TXNDC16: variants seen among roughly 807,000 people sequenced by gnomAD.
The protein encoded by TXNDC16 is thioredoxin domain-containing protein 16.
Under a neutral mutation model 85.6 loss-of-function variants are expected in TXNDC16, and 74 were observed. The ratio of observed to expected loss-of-function variants is 0.86; its 90% CI spans 0.72 to 1.05. The LOEUF (loss-of-function observed/expected upper bound fraction) is 1.05. Ranked by LOEUF, TXNDC16 falls within the 50% of genes least tolerant of loss-of-function variation. The pLI is 0.00. For synonymous variants in TXNDC16, 335 were observed against 326.5 expected (o/e 1.03, Z -0.28); for missense variants, 959 against 947.0 (o/e 1.01, Z -0.17).
Position 52,455,630 on chromosome 14 carries a change from T to C in TXNDC16, c.1704-168A>G, listed in dbSNP as rs554999263. On this transcript the variant is annotated intron_variant, in intron 17 of 20. Transcript: ENST00000281741. ...AACTTATCTTCTATGACAACCTACA[T>C]TAAAAGAAAGAAACAGGTAATGATC... Among the ~76,000 whole-genome samples, 11 of 152,266 alleles carry C rather than the reference T, an allele frequency of 7.2e-5. No homozygotes were observed. The South Asian group carries it at 1.0e-3, about 14-fold the overall frequency.
chr14:52,497,550 C>G (rs192215937), intron 9 of TXNDC16, among the ~76,000 whole-genome samples: 1 of 152,254 alleles, frequency 6.6e-6, no homozygotes, highest in Admixed American at 6.5e-5. Context: ...TGAGCAATAT[C>G]CCTAATGAAT....
At chr14:52,493,828 GAGTGC>G (rs2036470518) in intron 9 of TXNDC16, among the ~76,000 whole-genome samples, 1 of 151,898 alleles carries the variant, frequency 6.6e-6, no homozygotes, top group Admixed American at 6.6e-5. Context: ...ACCCAGGCTG[GAGTGC>G]AGTGTCAGGA....
At chr14:52,514,122 C>T (rs934298980) in intron 8 of TXNDC16, among the ~76,000 whole-genome samples, 1 of 152,148 alleles carries the variant, frequency 6.6e-6, no homozygotes, top group Non-Finnish European at 1.5e-5. Flanking sequence ...TCTCTGCCTA[C>T]TCTCCTTCCC....
intron 16 of TXNDC16, 40 bp from the exon 17 acceptor site, chr14:52,457,214 T>C (rs2035555373): frequency 1.7e-6 from 2 of 1,154,510 alleles, no homozygotes; most frequent in East Asian, 5.0e-5. Flanking sequence ...GAAACCTTTA[T>C]AATTATGTAT....
At chr14:52,517,430 C>T (rs1054313780) in intron 7 of TXNDC16, among the ~76,000 whole-genome samples, 3 of 152,024 alleles carry the variant, frequency 2.0e-5, no homozygotes, top group African/African-American at 7.2e-5. Flanking sequence ...TCCAGGCCTC[C>T]GAAATAGCTC....
At chr14:52,538,803 T>C (rs949069469) in intron 4 of TXNDC16, among the ~76,000 whole-genome samples, 6 of 152,332 alleles carry the variant, frequency 3.9e-5, no homozygotes, top group African/African-American at 1.2e-4. Flanking sequence ...AATTTAATTT[T>C]AATGGGATTT....
Position 52,488,372 on chromosome 14 carries a change from G to A in TXNDC16, c.1099C>T (p.Pro367Ser). 3 of 1,613,310 alleles carry A rather than the reference G, an allele frequency of 1.9e-6. No individual in the cohort carries two copies. Among genetic ancestry groups the A allele is most frequent in the Non-Finnish European group, 2.5e-6 (3 of 1,179,624 alleles). The change falls in exon 12 of 21, where the codon CCA (proline) becomes TCA (serine). Residue 367 changes from proline to serine, a missense_variant. Coordinates refer to ENST00000281741, the MANE Select transcript of TXNDC16 (RefSeq NM_020784.3). The stretch of plus-strand genomic sequence containing the variant: ...AATCATAACACATTACCTATATCTG[G>A]ACCTTCCATGTCATTGTCTTCATCT... ...QEDEDNDMEG[P>S]DIDVQDDEVA...
At chr14:52,514,651 C>T (rs2037036465) in intron 8 of TXNDC16, among the ~76,000 whole-genome samples, 1 of 152,124 alleles carries the variant, frequency 6.6e-6, no homozygotes, top group Non-Finnish European at 1.5e-5. Context: ...CTTATCCACA[C>T]TGCCTTCGTT....
In TXNDC16 at chr14:52,490,453, T is replaced by G. The variant is rs995115844; in HGVS notation, c.924-2A>C. ...GGAATGTTCACTTCCAAAGAGTCCCTTTTTCAAAATGGAAATAAATGTTTT... is the reference window on the plus strand; with the variant it reads ...GGAATGTTCACTTCCAAAGAGTCCCGTTTTCAAAATGGAAATAAATGTTTT... On this transcript the variant is annotated splice_acceptor_variant, in intron 10 of 20. Transcript: ENST00000281741. LOFTEE classifies it high-confidence loss of function. 1 of 1,592,612 alleles carries G rather than the reference T, an allele frequency of 6.3e-7. No individual in the cohort carries two copies.
intron 16 of TXNDC16, among the ~76,000 whole-genome samples, chr14:52,467,813 G>A (rs7159631): frequency 0.41 from 61,614 of 151,960 alleles, 12,988 homozygotes; most frequent in African/African-American, 0.52. Context: ...TCACAACCGC[G>A]TTATTCACAA....
At chr14:52,478,076 G>A (rs925926668) in intron 14 of TXNDC16, among the ~76,000 whole-genome samples, 1 of 152,112 alleles carries the variant, frequency 6.6e-6, no homozygotes, top group Non-Finnish European at 1.5e-5. Context: ...GCTCCTGAAT[G>A]ATCGTTGGGT....
chr14:52,518,721 C>T (rs2140191873), intron 7 of TXNDC16, among the ~76,000 whole-genome samples: 1 of 151,864 alleles, frequency 6.6e-6, no homozygotes, highest in East Asian at 1.9e-4. Context: ...ACTACTATAC[C>T]AGGTAAAGGA....
intron 14 of TXNDC16, among the ~76,000 whole-genome samples, chr14:52,472,500 GTC>G (rs1263626167): frequency 6.6e-6 from 1 of 152,078 alleles, no homozygotes; most frequent in Non-Finnish European, 1.5e-5. Flanking sequence ...CCGGCCTTAA[GTC>G]TGTCTTATCA....
At position 52,506,842 on chromosome 14, in the gene TXNDC16, C is replaced by T. The variant is rs2036820832; in HGVS notation, c.756+4398G>A. On this transcript the variant is annotated intron_variant, in intron 9 of 20. Coordinates refer to ENST00000281741, the MANE Select transcript of TXNDC16 (RefSeq NM_020784.3). ...AAGTGCTGGGATTACAGGCGTGAGCCACCGCACCCGGCCTTCAACAACCCT... is the reference window on the plus strand; with the variant it reads ...AAGTGCTGGGATTACAGGCGTGAGCTACCGCACCCGGCCTTCAACAACCCT... 2.2e-5 allele frequency among the ~76,000 whole-genome samples: 3 copies of T among 139,404 alleles called. No homozygotes were observed. In the South Asian group the frequency reaches 6.4e-4, roughly 30 times the overall value. 91.5% of individuals were successfully genotyped at this position (139,404 alleles called of 152,430 possible). A position where few individuals can be genotyped will look rare whatever the true frequency, so the allele number is the denominator to read the frequency against.
At position 52,439,501 on chromosome 14, in the gene TXNDC16, T is replaced by C. The variant is rs2035116884; in HGVS notation, c.2004-107A>G. 5 of 979,402 alleles carry C rather than the reference T, an allele frequency of 5.1e-6. No homozygotes were observed. The Admixed American group carries it at 1.2e-4, about 23-fold the overall frequency. 60.7% of individuals were successfully genotyped at this position (979,402 alleles called of 1,614,324 possible). ...TTTTAAGTAGTATCATGCCAGTAAGTTCACTTTATGAAAAGATGTCCTAAA... is the reference window on the plus strand; with the variant it reads ...TTTTAAGTAGTATCATGCCAGTAAGCTCACTTTATGAAAAGATGTCCTAAA... On this transcript the variant is annotated intron_variant, in intron 19 of 20. Transcript: ENST00000281741.
At chr14:52,443,304 T>G (rs147306907) in intron 18 of TXNDC16, among the ~76,000 whole-genome samples, 23 of 152,336 alleles carry the variant, frequency 1.5e-4, no homozygotes, top group African/African-American at 5.5e-4. Context: ...TTCTTCAGTT[T>G]TGGGACTCGA....
intron 9 of TXNDC16, among the ~76,000 whole-genome samples, chr14:52,500,943 A>G (rs1482512958): frequency 1.3e-5 from 2 of 152,334 alleles, no homozygotes; most frequent in Non-Finnish European, 2.9e-5. Context: ...CTTTCCTTCT[A>G]TCTACAAATA....
intron 11 of TXNDC16, among the ~76,000 whole-genome samples, chr14:52,490,157 T>C (rs1041173873): frequency 6.6e-6 from 1 of 152,166 alleles, no homozygotes; most frequent in Non-Finnish European, 1.5e-5. Flanking sequence ...AAGCAGAATA[T>C]ATAGCATAAT....
At chr14:52,536,641 A>C in intron 6 of TXNDC16, 78 bp downstream of exon 6, 1 of 1,191,686 alleles carries the variant, frequency 8.4e-7, no homozygotes, top group Non-Finnish European at 1.2e-6. Flanking sequence ...GAAATATTTT[A>C]ATGAATTGTG....
Sources: allele counts gnomAD v4.1 joint callset (sites outside exome capture counted in the v4.1 genomes callset), GRCh38; gene constraint gnomAD v4.1.1; transcripts MANE v1.5; gene names NCBI Gene and HGNC (gene_info 2026-07-23, HGNC 2026-07-21).